Variants in TSHR observed in about 807,000 individuals in gnomAD.
TSHR encodes thyrotropin receptor.
Under a neutral mutation model 64.1 loss-of-function variants are expected in TSHR, and 51 were observed. That is an observed-to-expected ratio of 0.80 (90% CI 0.64 to 1.01). The LOEUF (loss-of-function observed/expected upper bound fraction) is 1.01, where lower values mean the gene tolerates loss of function less well. Ranked by LOEUF, TSHR falls within the 50% of genes least tolerant of loss-of-function variation. The pLI is 0.00. For synonymous variants in TSHR, 361 were observed against 361.9 expected, an observed-to-expected ratio of 1.00 and a Z score of 0.03; for missense variants, 877 against 942.8, an observed-to-expected ratio of 0.93 and a Z score of 0.91.
chr14:81,013,177 A>G (rs1594951393), intron 1 of TSHR: 1 of 152,210 alleles, frequency 6.6e-6, no homozygotes, highest in Non-Finnish European at 1.5e-5. Context: ...CCGTTTTCCC[A>G]GCACCATTTA....
chr14:81,072,664 A>G (rs1005771683), intron 3 of TSHR, among the ~76,000 whole-genome samples: 2 of 152,108 alleles, frequency 1.3e-5, no homozygotes, highest in Non-Finnish European at 2.9e-5. Context: ...GTAAAATACA[A>G]AGATTGATTG....
chr14:81,048,387 C>T (rs185084906), intron 1 of TSHR, among the ~76,000 whole-genome samples: 1 of 152,254 alleles, frequency 6.6e-6, no homozygotes, highest in Admixed American at 6.5e-5. Flanking sequence ...CTTCCTATAT[C>T]TACATGGGCT....
intron 7 of TSHR, among the ~76,000 whole-genome samples, chr14:81,097,417 A>G (rs891835804): frequency 6.6e-6 from 1 of 152,164 alleles, no homozygotes; most frequent in Non-Finnish European, 1.5e-5. Flanking sequence ...ATGACACAAA[A>G]TCTGTTGCGT....
intron 3 of TSHR, 81 bp downstream of exon 3, chr14:81,068,409 G>C: frequency 1.5e-6 from 2 of 1,336,558 alleles, no homozygotes; most frequent in Non-Finnish European, 2.1e-6. Context: ...GATGGCAATG[G>C]GAGCTGGTTT....
chr14:81,143,621 T>C lies in TSHR; in HGVS notation c.1563T>C (p.Tyr521=), dbSNP rs1891800676. Residue 521 remains tyrosine, a synonymous_variant, in exon 10 of 10, where the codon TAT becomes TAC. Transcript: ENST00000298171. ...TLTVITLERW[Y]AITFAMRLDR... is the part of the protein sequence containing the mutation. ...CGGTCATCACCCTGGAGCGCTGGTATGCCATCACCTTCGCCATGCGCCTGG... is the reference window on the plus strand; with the variant it reads ...CGGTCATCACCCTGGAGCGCTGGTACGCCATCACCTTCGCCATGCGCCTGG... The C allele has an allele frequency of 6.2e-7, 1 of 1,613,896 alleles. No individual in the cohort carries two copies.
chr14:81,017,621 C>G (rs1193750133), intron 1 of TSHR, among the ~76,000 whole-genome samples: 3 of 152,104 alleles, frequency 2.0e-5, no homozygotes, highest in Non-Finnish European at 4.4e-5. Context: ...GGAATGGGGT[C>G]TGAGAAGATA....
chr14:81,026,406 G>C (rs749400394), intron 1 of TSHR, among the ~76,000 whole-genome samples: 1 of 152,014 alleles, frequency 6.6e-6, no homozygotes, highest in Admixed American at 6.6e-5. Flanking sequence ...CACCTCTAGA[G>C]AAAAATCCCT....
chr14:81,060,475 C>T (rs555443133), intron 1 of TSHR, among the ~76,000 whole-genome samples: 19 of 152,060 alleles, frequency 1.2e-4, no homozygotes, highest in Non-Finnish European at 2.6e-4. Context: ...GGCTTCATGG[C>T]AAAACACCAG....
At chr14:81,010,122 C>T (rs1389677284) in intron 1 of TSHR, among the ~76,000 whole-genome samples, 1 of 152,026 alleles carries the variant, frequency 6.6e-6, no homozygotes, top group Non-Finnish European at 1.5e-5. Context: ...ATTTTTCATG[C>T]TTTTTCTTGT....
chr14:81,032,210 G>A (rs906663549), intron 1 of TSHR, among the ~76,000 whole-genome samples: 1 of 152,122 alleles, frequency 6.6e-6, no homozygotes, highest in African/African-American at 2.4e-5. Context: ...TCCATGGGTG[G>A]GGGTATTTTC....
In TSHR at chr14:80,982,374, T is replaced by A. The variant is rs1383538832; in HGVS notation, c.170+26524T>A. On this transcript the variant is annotated intron_variant, in intron 1 of 9. Transcript: ENST00000298171. ...CCTGGTTCTGAAATGGAGAAGAGGC[T>A]GGTAATCATTCCGGTGCTAAGAATG... 13 of 1,259,402 alleles carry A rather than the reference T, an allele frequency of 1.0e-5. No homozygotes were observed. The South Asian group carries it at 1.5e-4, about 15-fold the overall frequency. The allele number at this position is 1,259,402 out of a possible 1,614,324, so 78.0% of individuals were successfully genotyped here. A position where few individuals can be genotyped will look rare whatever the true frequency, so the allele number is the denominator to read the frequency against.
At chr14:81,035,251 T>C (rs1375504664) in intron 1 of TSHR, among the ~76,000 whole-genome samples, 4 of 152,152 alleles carry the variant, frequency 2.6e-5, no homozygotes, top group Admixed American at 1.3e-4. Flanking sequence ...TTATCTGAAG[T>C]GTTGTGTAAA....
intron 1 of TSHR, chr14:81,050,862 T>G (rs1885395393): frequency 6.6e-6 from 1 of 152,182 alleles, no homozygotes; most frequent in African/African-American, 2.4e-5. Flanking sequence ...TTGAAAGATT[T>G]GGGAGATTTT....
intron 1 of TSHR, among the ~76,000 whole-genome samples, chr14:80,981,065 T>C (rs1353644320): frequency 6.6e-6 from 1 of 152,254 alleles, no homozygotes; most frequent in African/African-American, 2.4e-5. Context: ...TTGAAAACTG[T>C]GAGATCTTAA....
At chr14:81,009,445 T>TG (rs1555370947) in intron 1 of TSHR, among the ~76,000 whole-genome samples, 1 of 150,686 alleles carries the variant, frequency 6.6e-6, no homozygotes, top group Non-Finnish European at 1.5e-5. Flanking sequence ...AATCATTGTG[T>TG]TTTTAAAAAA....
chr14:81,030,784 G>A (rs1015442869), intron 1 of TSHR, among the ~76,000 whole-genome samples: 1 of 152,070 alleles, frequency 6.6e-6, no homozygotes, highest in African/African-American at 2.4e-5. Context: ...TAATTGAGAG[G>A]ATTGTCAGGA....
At chr14:80,967,149 TG>T (rs1382561690) in intron 1 of TSHR, among the ~76,000 whole-genome samples, 6 of 145,806 alleles carry the variant, frequency 4.1e-5, no homozygotes, top group African/African-American at 9.9e-5. Context: ...GGCTAATATC[TG>T]GAGGAGAAAA....
intron 1 of TSHR, among the ~76,000 whole-genome samples, chr14:80,998,316 T>C (rs543568458): frequency 6.6e-5 from 10 of 152,192 alleles, no homozygotes; most frequent in African/African-American, 2.4e-4. Flanking sequence ...ATTGTTTGAG[T>C]GCTAACACTG....
At chr14:81,058,615 C>A (rs1885996831) in intron 1 of TSHR, among the ~76,000 whole-genome samples, 1 of 152,138 alleles carries the variant, frequency 6.6e-6, no homozygotes, top group Non-Finnish European at 1.5e-5. Flanking sequence ...AAATAAAAAA[C>A]AGCCTCTTCA....
Sources: allele counts gnomAD v4.1 joint callset (sites outside exome capture counted in the v4.1 genomes callset), GRCh38; gene constraint gnomAD v4.1.1; transcripts MANE v1.5; gene names NCBI Gene and HGNC (gene_info 2026-07-23, HGNC 2026-07-21).